KCNIP4: variants seen among roughly 807,000 people sequenced by gnomAD.
KCNIP4 encodes potassium voltage-gated channel interacting protein 4.
In KCNIP4, 12 loss-of-function variants were observed where a neutral mutation model predicts 34.0. The ratio of observed to expected loss-of-function variants is 0.35; its 90% confidence interval spans 0.23 to 0.57. The LOEUF is 0.57. KCNIP4 is among the 20% of genes least tolerant of loss of function. The pLI, the probability that KCNIP4 is intolerant of heterozygous loss-of-function variation, is 0.83. For missense variants in KCNIP4, 238 were observed against 311.7 expected (o/e 0.76, Z 1.78); for synonymous variants, 124 against 102.2 (o/e 1.21, Z -1.29).
At chr4:21,803,186 C>A (rs543234249) in intron 1 of KCNIP4, among the ~76,000 whole-genome samples, 1 of 152,162 alleles carries the variant, frequency 6.6e-6, no homozygotes, top group Non-Finnish European at 1.5e-5. Context: ...GTAAATGTCA[C>A]GACATCTCTT....
At chr4:21,748,767 G>A in intron 1 of KCNIP4, among the ~76,000 whole-genome samples, 1 of 152,028 alleles carries the variant, frequency 6.6e-6, no homozygotes, top group South Asian at 2.1e-4. Flanking sequence ...GAAATAGATA[G>A]CCCGGATCAT....
At chr4:21,206,128 G>C (rs192717209) in intron 1 of KCNIP4, among the ~76,000 whole-genome samples, 51 of 152,238 alleles carry the variant, frequency 3.4e-4, no homozygotes, top group Non-Finnish European at 1.6e-4. Context: ...TTTGCTTCCT[G>C]TCGCGTCTAG....
intron 1 of KCNIP4, among the ~76,000 whole-genome samples, chr4:20,952,708 A>G (rs761866901): frequency 2.6e-5 from 4 of 152,278 alleles, no homozygotes; most frequent in Non-Finnish European, 5.9e-5. Context: ...TTAATTTAAT[A>G]TGACAGCATT....
intron 1 of KCNIP4, among the ~76,000 whole-genome samples, chr4:21,617,436 T>C (rs2109164960): frequency 6.6e-6 from 1 of 152,308 alleles, no homozygotes; most frequent in East Asian, 1.9e-4. Flanking sequence ...TGCTGCATTT[T>C]TTATTAGAGG....
chr4:20,955,439 T>G (rs1733198787), intron 1 of KCNIP4, among the ~76,000 whole-genome samples: 1 of 152,180 alleles, frequency 6.6e-6, no homozygotes, highest in African/African-American at 2.4e-5. Flanking sequence ...TCATCAATTC[T>G]GCAACTAACA....
At position 21,008,253 on chromosome 4, in the gene KCNIP4, C is replaced by G. The variant is rs533430215; in HGVS notation, c.62-125544G>C. Among the ~76,000 whole-genome samples, 11 of 152,194 alleles carry G rather than the reference C, an allele frequency of 7.2e-5. No individual in the cohort carries two copies. The East Asian group carries it at 1.7e-3, about 24-fold the overall frequency. ...GCATTCACTTCTCAAGATTTGCTACCAAACCGTCTCCCCATTCTGTCTTTT... is the reference window on the plus strand; with the variant it reads ...GCATTCACTTCTCAAGATTTGCTACGAAACCGTCTCCCCATTCTGTCTTTT... On this transcript the variant is annotated intron_variant, in intron 1 of 8. Transcript: ENST00000382152.
chr4:21,128,519 C>T (rs1488916138), intron 1 of KCNIP4, among the ~76,000 whole-genome samples: 1 of 152,102 alleles, frequency 6.6e-6, no homozygotes, highest in Non-Finnish European at 1.5e-5. Flanking sequence ...AAATGGTTTG[C>T]CTCCATAAGA....
chr4:21,895,128 T>C (rs1025970504), intron 1 of KCNIP4, among the ~76,000 whole-genome samples: 2 of 152,220 alleles, frequency 1.3e-5, no homozygotes, highest in Non-Finnish European at 2.9e-5. Flanking sequence ...ACATCTTTGA[T>C]ATAGATGTCT....
chr4:21,289,331 T>C (rs1275078510), intron 1 of KCNIP4, among the ~76,000 whole-genome samples: 6 of 152,322 alleles, frequency 3.9e-5, no homozygotes, highest in African/African-American at 1.4e-4. Flanking sequence ...TTTTAAAATA[T>C]AGAATAAATT....
At chr4:21,051,697 T>G (rs1282287262) in intron 1 of KCNIP4, among the ~76,000 whole-genome samples, 1 of 152,212 alleles carries the variant, frequency 6.6e-6, no homozygotes, top group Non-Finnish European at 1.5e-5. Context: ...CTTTAATTTA[T>G]TAAATAAAAT....
chr4:21,258,146 G>T (rs1761202956), intron 1 of KCNIP4, among the ~76,000 whole-genome samples: 1 of 152,258 alleles, frequency 6.6e-6, no homozygotes, highest in Admixed American at 6.5e-5. Context: ...CTATGAAACA[G>T]TAGGGATGGG....
At chr4:21,413,884 C>T (rs1004104507) in intron 1 of KCNIP4, among the ~76,000 whole-genome samples, 1 of 152,148 alleles carries the variant, frequency 6.6e-6, no homozygotes, top group Non-Finnish European at 1.5e-5. Context: ...TAGTCTTTCC[C>T]CCAAACCACT....
intron 3 of KCNIP4, among the ~76,000 whole-genome samples, chr4:20,843,897 T>C (rs1260421696): frequency 6.6e-6 from 1 of 152,198 alleles, no homozygotes; most frequent in Admixed American, 6.5e-5. Context: ...ATGCATAACA[T>C]AAACTAATGC....
chr4:21,336,597 T>A (rs2109336736), intron 1 of KCNIP4, among the ~76,000 whole-genome samples: 1 of 152,270 alleles, frequency 6.6e-6, no homozygotes, highest in East Asian at 1.9e-4. Flanking sequence ...GACTATGTCC[T>A]CTGAATATAC....
chr4:21,373,298 G>T (rs886628400), intron 1 of KCNIP4, among the ~76,000 whole-genome samples: 1 of 146,318 alleles, frequency 6.8e-6, no homozygotes, highest in Non-Finnish European at 1.5e-5. Context: ...ATGCCAGCCT[G>T]GGTAATACAT....
chr4:21,368,939 C>T (rs1340312047), intron 1 of KCNIP4, among the ~76,000 whole-genome samples: 1 of 147,052 alleles, frequency 6.8e-6, no homozygotes, highest in Non-Finnish European at 1.5e-5. Context: ...TCTATCCATC[C>T]ATAAATCCAT....
intron 1 of KCNIP4, among the ~76,000 whole-genome samples, chr4:21,910,652 G>A (rs1203433626): frequency 6.6e-6 from 1 of 152,140 alleles, no homozygotes; most frequent in Non-Finnish European, 1.5e-5. Flanking sequence ...AAAGCCATAA[G>A]GCACTAAATT....
At chr4:21,794,083 T>G (rs1720466766) in intron 1 of KCNIP4, among the ~76,000 whole-genome samples, 1 of 151,992 alleles carries the variant, frequency 6.6e-6, no homozygotes, top group Non-Finnish European at 1.5e-5. Flanking sequence ...TGAGAACACC[T>G]GGACACAGGG....
intron 1 of KCNIP4, among the ~76,000 whole-genome samples, chr4:20,961,953 C>T (rs1396062387): frequency 3.3e-5 from 5 of 152,156 alleles, no homozygotes; most frequent in Admixed American, 3.3e-4. Context: ...TCAGTGATAG[C>T]CAAAGACACC....
Sources: gnomAD v4.1 joint callset for allele counts (sites outside exome capture counted in the v4.1 genomes callset) on GRCh38, gnomAD v4.1.1 for gene constraint, MANE v1.5 for transcripts, NCBI Gene and HGNC (gene_info 2026-07-23, HGNC 2026-07-21) for gene names.